Variants in FAM107B observed in about 807,000 individuals in gnomAD.
FAM107B encodes the protein protein FAM107B.
A neutral mutation model predicts 31.5 loss-of-function variants in FAM107B; 21 were observed. The observed-to-expected ratio is 0.67, with a 90% CI of 0.47 to 0.96. The LOEUF (loss-of-function observed/expected upper bound fraction) is 0.96. Ranked by LOEUF, FAM107B falls within the 40% of genes least tolerant of loss-of-function variation. The pLI is 0.00. For missense variants in FAM107B, 452 were observed against 377.1 expected, an observed-to-expected ratio of 1.20 and a Z score of -1.64; for synonymous variants, 157 against 141.5, an observed-to-expected ratio of 1.11 and a Z score of -0.78.
chr10:14,712,549 G>A (rs766477105), intron 1 of FAM107B, among the ~76,000 whole-genome samples: 24 of 151,374 alleles, frequency 1.6e-4, no homozygotes, highest in Middle Eastern at 3.2e-3. Flanking sequence ...AGCCCAGATC[G>A]CGTCACTGCA....
intron 1 of FAM107B, among the ~76,000 whole-genome samples, chr10:14,727,717 C>A (rs1449724312): frequency 2.6e-5 from 4 of 152,204 alleles, no homozygotes; most frequent in African/African-American, 9.7e-5. Context: ...TTCCTCGAAT[C>A]ACTTCCCCAC....
chr10:14,774,201 A>G (rs1469034608), intron 1 of FAM107B, 52 bp downstream of exon 1: 12 of 1,551,028 alleles, frequency 7.7e-6, no homozygotes, highest in African/African-American at 2.7e-5. Flanking sequence ...CATGATCCCA[A>G]CGCTCCTCCA....
chr10:14,657,989 T>C (rs1854113608), intron 2 of FAM107B, among the ~76,000 whole-genome samples: 1 of 152,042 alleles, frequency 6.6e-6, no homozygotes, highest in Non-Finnish European at 1.5e-5. Flanking sequence ...GTTTTCTCTT[T>C]TTTTGTAGGT....
intron 2 of FAM107B, among the ~76,000 whole-genome samples, chr10:14,579,580 A>G (rs187600844): frequency 2.0e-5 from 3 of 152,358 alleles, no homozygotes; most frequent in Admixed American, 6.5e-5. Context: ...TACTTAAGCA[A>G]ATCCAGAAAT....
chr10:14,594,789 A>G (rs1852133299), intron 2 of FAM107B, among the ~76,000 whole-genome samples: 1 of 152,192 alleles, frequency 6.6e-6, no homozygotes, highest in African/African-American at 2.4e-5. Flanking sequence ...AATCACAGAA[A>G]ATAATGGCCA....
intron 1 of FAM107B, among the ~76,000 whole-genome samples, chr10:14,727,349 T>A (rs1409730663): frequency 1.8e-4 from 28 of 152,220 alleles, no homozygotes; most frequent in Admixed American, 1.8e-3. Flanking sequence ...AAATACACCA[T>A]CATGCTCGGG....
At chr10:14,641,337 T>G (rs1853622471) in intron 2 of FAM107B, among the ~76,000 whole-genome samples, 1 of 152,220 alleles carries the variant, frequency 6.6e-6, no homozygotes, top group African/African-American at 2.4e-5. Flanking sequence ...AACATTGGTT[T>G]GCTGCATTGA....
rs553743682 is a variant in FAM107B at position 14,746,120 on chromosome 10, C to T, written c.411+28133G>A. Among the ~76,000 whole-genome samples the T allele has an allele frequency of 5.3e-5, 8 of 152,142 alleles. No homozygotes were observed. In the South Asian group the frequency reaches 1.7e-3, roughly 32 times the overall value. ...TTTTGCCAGAAACTAGAATTGCAAC[C>T]CTGCTTTTTTCTGGTTGTCATTTGC... On this transcript the variant is annotated intron_variant, in intron 1 of 4. Transcript: ENST00000181796.
At chr10:14,721,460 C>T (rs1855911549) in intron 1 of FAM107B, among the ~76,000 whole-genome samples, 1 of 152,202 alleles carries the variant, frequency 6.6e-6, no homozygotes, top group African/African-American at 2.4e-5. Flanking sequence ...ACACTCCCAC[C>T]AACTGTGTAA....
intron 2 of FAM107B, among the ~76,000 whole-genome samples, chr10:14,598,691 T>C (rs1016629492): frequency 6.6e-6 from 1 of 152,210 alleles, no homozygotes; most frequent in Admixed American, 6.5e-5. Flanking sequence ...AGAAGGTAGA[T>C]CTCATGTTAA....
At chr10:14,602,136 T>A (rs1273164247) in intron 2 of FAM107B, among the ~76,000 whole-genome samples, 4 of 152,156 alleles carry the variant, frequency 2.6e-5, no homozygotes. Flanking sequence ...GGAATGCCGA[T>A]CATCAGAGCA....
At chr10:14,647,107 T>A (rs552098348) in intron 2 of FAM107B, among the ~76,000 whole-genome samples, 1 of 152,260 alleles carries the variant, frequency 6.6e-6, no homozygotes, top group East Asian at 1.9e-4. Flanking sequence ...TTTTCTCCTC[T>A]TTTAAATGGA....
At chr10:14,618,881 T>C (rs1351244317) in intron 2 of FAM107B, among the ~76,000 whole-genome samples, 1 of 151,966 alleles carries the variant, frequency 6.6e-6, no homozygotes, top group Non-Finnish European at 1.5e-5. Flanking sequence ...TGAGGTCATA[T>C]TGGAGTACGG....
chr10:14,648,350 C>A (rs1410984042), intron 2 of FAM107B, among the ~76,000 whole-genome samples: 1 of 152,186 alleles, frequency 6.6e-6, no homozygotes, highest in African/African-American at 2.4e-5. Flanking sequence ...CGAGGGGAAA[C>A]AAAAAGCCCG....
At chr10:14,650,644 G>C (rs879296721) in intron 2 of FAM107B, among the ~76,000 whole-genome samples, 3 of 152,134 alleles carry the variant, frequency 2.0e-5, no homozygotes, top group African/African-American at 7.2e-5. Flanking sequence ...GCTACGTATT[G>C]AGCATTCTGG....
At chr10:14,711,914 G>A (rs1198980617) in intron 1 of FAM107B, among the ~76,000 whole-genome samples, 1 of 152,178 alleles carries the variant, frequency 6.6e-6, no homozygotes, top group Non-Finnish European at 1.5e-5. Flanking sequence ...AAAGTGCTGG[G>A]ATTACAGGTG....
intron 2 of FAM107B, chr10:14,653,808 G>A (rs1853965991): frequency 6.6e-6 from 1 of 152,120 alleles, no homozygotes; most frequent in African/African-American, 2.4e-5. Context: ...CAAGCTTGAG[G>A]CTAGTGTTTT....
chr10:14,774,721 A>T lies in FAM107B; in HGVS notation c.-58T>A. The T allele has an allele frequency of 6.5e-7, 1 of 1,539,608 alleles. No individual in the cohort carries two copies. Among genetic ancestry groups the T allele is most frequent in the Non-Finnish European group, 8.8e-7 (1 of 1,131,560 alleles). ...GGGCAAGGAAATTTTCCAGGGGTCCACATCACCTCCACTTTGCTTATAGGA... is the reference window on the plus strand; with the variant it reads ...GGGCAAGGAAATTTTCCAGGGGTCCTCATCACCTCCACTTTGCTTATAGGA... On this transcript the variant is annotated 5_prime_UTR_variant, in exon 1 of 5. Coordinates refer to ENST00000181796, the MANE Select transcript of FAM107B (RefSeq NM_031453.4).
chr10:14,601,148 GA>G (rs1564595333), intron 2 of FAM107B, among the ~76,000 whole-genome samples: 1 of 152,220 alleles, frequency 6.6e-6, no homozygotes, highest in Non-Finnish European at 1.5e-5. Context: ...GACGGGCACT[GA>G]ATGTCTGGTG....
Sources: gnomAD v4.1 joint callset for allele counts (sites outside exome capture counted in the v4.1 genomes callset) on GRCh38, gnomAD v4.1.1 for gene constraint, MANE v1.5 for transcripts, NCBI Gene and HGNC (gene_info 2026-07-23, HGNC 2026-07-21) for gene names.